CNTN4: variants seen among roughly 807,000 people sequenced by gnomAD.
CNTN4 encodes the protein contactin 4, also known as contactin-4.
CNTN4 carries 77 observed loss-of-function variants against 122.5 expected under a neutral mutation model. The ratio of observed to expected loss-of-function variants is 0.63; its 90% CI spans 0.52 to 0.76. CNTN4 has a LOEUF of 0.76. CNTN4 is among the 30% of genes least tolerant of loss of function. The pLI is 0.00. For synonymous variants in CNTN4, 512 were observed against 447.0 expected (o/e 1.15, Z -1.83); for missense variants, 1,256 against 1,259.1 (o/e 1.00, Z 0.04).
At chr3:2,762,095 A>C (rs537328289) in intron 6 of CNTN4, among the ~76,000 whole-genome samples, 2 of 152,210 alleles carry the variant, frequency 1.3e-5, no homozygotes, top group Non-Finnish European at 2.9e-5. Flanking sequence ...TTGAACAAGT[A>C]ACCTCAAGTG....
At chr3:2,785,815 C>G (rs551482654) in intron 6 of CNTN4, among the ~76,000 whole-genome samples, 164 of 151,782 alleles carry the variant, frequency 1.1e-3, no homozygotes, top group Admixed American at 3.4e-3. Context: ...CAAGCCTGGA[C>G]TCATGGCCCA....
intron 2 of CNTN4, among the ~76,000 whole-genome samples, chr3:2,277,966 A>T (rs1323258582): frequency 6.6e-6 from 1 of 152,184 alleles, no homozygotes; most frequent in Non-Finnish European, 1.5e-5. Context: ...ATTGTAAATC[A>T]AAAGTAGAGA....
At chr3:2,207,488 T>G (rs1559342620) in intron 2 of CNTN4, among the ~76,000 whole-genome samples, 1 of 152,024 alleles carries the variant, frequency 6.6e-6, no homozygotes, top group African/African-American at 2.4e-5. Flanking sequence ...AGTGATGAGA[T>G]GGAGAAAGTT....
chr3:2,900,878 T>A (rs527862904), intron 11 of CNTN4, 57 bp downstream of exon 11: 1 of 1,591,918 alleles, frequency 6.3e-7, no homozygotes, highest in Non-Finnish European at 8.6e-7. Context: ...TAATATAGCC[T>A]CATTGCCGTG....
At chr3:2,124,349 G>T (rs2033989124) in intron 2 of CNTN4, among the ~76,000 whole-genome samples, 1 of 151,742 alleles carries the variant, frequency 6.6e-6, no homozygotes, top group African/African-American at 2.4e-5. Flanking sequence ...TTTAGGTAAT[G>T]ATTACTTTCT....
intron 13 of CNTN4, among the ~76,000 whole-genome samples, chr3:2,966,240 AT>A (rs937734571): frequency 2.0e-5 from 3 of 151,448 alleles, no homozygotes; most frequent in Admixed American, 1.3e-4. Context: ...AGTTAACTTT[AT>A]TTTTTTTTAC....
At chr3:3,015,643 A>C (rs924399218) in intron 14 of CNTN4, among the ~76,000 whole-genome samples, 1 of 152,190 alleles carries the variant, frequency 6.6e-6, no homozygotes, top group African/African-American at 2.4e-5. Flanking sequence ...ACAGAAAAAG[A>C]GGGACACTCT....
At chr3:2,814,743 G>C (rs2092689774) in intron 6 of CNTN4, among the ~76,000 whole-genome samples, 1 of 152,218 alleles carries the variant, frequency 6.6e-6, no homozygotes, top group African/African-American at 2.4e-5. Flanking sequence ...TTTGGAGAGA[G>C]ACAAAACATG....
At chr3:2,550,389 AC>A (rs1446977500) in intron 3 of CNTN4, among the ~76,000 whole-genome samples, 3 of 152,200 alleles carry the variant, frequency 2.0e-5, no homozygotes, top group Admixed American at 2.0e-4. Context: ...GCAAATCAAA[AC>A]CACAGTGAGA....
intron 4 of CNTN4, among the ~76,000 whole-genome samples, chr3:2,577,962 G>C (rs2079768337): frequency 6.6e-6 from 1 of 152,102 alleles, no homozygotes; most frequent in African/African-American, 2.4e-5. Flanking sequence ...AGCATTTGTT[G>C]ATTTGCTCAC....
intron 3 of CNTN4, among the ~76,000 whole-genome samples, chr3:2,358,155 CA>C (rs1575452530): frequency 6.6e-6 from 1 of 151,742 alleles, no homozygotes. Flanking sequence ...GGATACTTGA[CA>C]AAAAAAGGAT....
intron 14 of CNTN4, among the ~76,000 whole-genome samples, chr3:3,010,584 C>T (rs1162597504): frequency 6.6e-6 from 1 of 152,046 alleles, no homozygotes; most frequent in Non-Finnish European, 1.5e-5. Context: ...AGCACAATGC[C>T]TGACACATAA....
At chr3:2,869,323 G>A (rs1409824364) in intron 8 of CNTN4, among the ~76,000 whole-genome samples, 5 of 152,008 alleles carry the variant, frequency 3.3e-5, no homozygotes, top group African/African-American at 4.8e-5. Flanking sequence ...ATGATGGGGG[G>A]TGAAACTAGG....
intron 4 of CNTN4, among the ~76,000 whole-genome samples, chr3:2,662,780 A>T (rs2083962598): frequency 1.3e-5 from 2 of 152,146 alleles, no homozygotes; most frequent in Admixed American, 1.3e-4. Flanking sequence ...AAGAGTAGAG[A>T]CCACCTGCGG....
chr3:2,156,624 C>A (rs970072178), intron 2 of CNTN4, among the ~76,000 whole-genome samples: 2 of 152,106 alleles, frequency 1.3e-5, no homozygotes, highest in African/African-American at 4.8e-5. Context: ...CTGTAAGATC[C>A]GTTGTAGACC....
intron 10 of CNTN4, among the ~76,000 whole-genome samples, chr3:2,896,840 C>A (rs1311334172): frequency 6.6e-6 from 1 of 151,800 alleles, no homozygotes; most frequent in Non-Finnish European, 1.5e-5. Context: ...CCCGCATTCC[C>A]TGGAGATGAT....
intron 2 of CNTN4, among the ~76,000 whole-genome samples, chr3:2,234,212 C>G (rs2039594670): frequency 6.6e-6 from 1 of 151,760 alleles, no homozygotes; most frequent in Non-Finnish European, 1.5e-5. Context: ...AACCCCGTCT[C>G]TACTAAAAAC....
At chr3:2,670,612 A>C (rs1441120907) in intron 4 of CNTN4, among the ~76,000 whole-genome samples, 16 of 152,144 alleles carry the variant, frequency 1.1e-4, no homozygotes, top group Non-Finnish European at 8.8e-5. Flanking sequence ...TAATATTGTT[A>C]TGTGCGAATT....
chr3:2,741,068 A>G (rs1213935930), intron 5 of CNTN4, among the ~76,000 whole-genome samples: 12 of 152,226 alleles, frequency 7.9e-5, no homozygotes, highest in Admixed American at 5.9e-4. Flanking sequence ...TAGGATTCTG[A>G]AAAATACGTC....
Sources: gnomAD v4.1 joint callset for allele counts (sites outside exome capture counted in the v4.1 genomes callset) on GRCh38, gnomAD v4.1.1 for gene constraint, MANE v1.5 for transcripts, NCBI Gene and HGNC (gene_info 2026-07-23, HGNC 2026-07-21) for gene names.